SPOCK3: variants seen among roughly 807,000 people sequenced by gnomAD.
SPOCK3 encodes SPARC (osteonectin), cwcv and kazal like domains proteoglycan 3.
A neutral mutation model predicts 56.6 loss-of-function variants in SPOCK3; 30 were observed. The observed-to-expected ratio is 0.53, with a 90% confidence interval of 0.40 to 0.72. SPOCK3 has a LOEUF of 0.72. Among genes scored for constraint, SPOCK3 ranks in the 30% least tolerant of loss-of-function variants. SPOCK3 has a pLI of 0.00. For synonymous variants in SPOCK3, 196 were observed against 183.3 expected (o/e 1.07, Z -0.56); for missense variants, 527 against 530.0 (o/e 0.99, Z 0.06).
At chr4:166,813,951 CA>C (rs1184792480) in intron 6 of SPOCK3, among the ~76,000 whole-genome samples, 1 of 151,894 alleles carries the variant, frequency 6.6e-6, no homozygotes, top group Non-Finnish European at 1.5e-5. Flanking sequence ...AAAATTGAAG[CA>C]CAAAAAAACA....
chr4:166,812,369 G>A (rs1743926947), intron 6 of SPOCK3, among the ~76,000 whole-genome samples: 1 of 151,832 alleles, frequency 6.6e-6, no homozygotes, highest in African/African-American at 2.4e-5. Context: ...TATATGAAAA[G>A]TAAAGTTAAC....
chr4:166,803,500 A>T (rs905058717), intron 6 of SPOCK3, among the ~76,000 whole-genome samples: 1 of 152,168 alleles, frequency 6.6e-6, no homozygotes, highest in South Asian at 2.1e-4. Flanking sequence ...GCAACTAGGG[A>T]CAAGACCAAG....
At chr4:166,776,695 TAAGTTAAGGAA>T (rs1332292752) in intron 7 of SPOCK3, among the ~76,000 whole-genome samples, 1 of 152,104 alleles carries the variant, frequency 6.6e-6, no homozygotes, top group East Asian at 1.9e-4. Context: ...ACTCAAGGAC[TAAGTTAAGGAA>T]AAAGACCAAT....
intron 2 of SPOCK3, among the ~76,000 whole-genome samples, chr4:167,081,818 G>T (rs1034376623): frequency 2.0e-5 from 3 of 152,034 alleles, no homozygotes; most frequent in Admixed American, 6.6e-5. Context: ...AATGGATAAG[G>T]TAATAGGAGT....
intron 4 of SPOCK3, among the ~76,000 whole-genome samples, chr4:166,995,602 C>A (rs1166716137): frequency 6.6e-6 from 1 of 151,778 alleles, no homozygotes; most frequent in Non-Finnish European, 1.5e-5. Context: ...TCTAACTATA[C>A]CTATCAATTA....
intron 4 of SPOCK3, among the ~76,000 whole-genome samples, chr4:166,922,685 G>T (rs1322228717): frequency 6.6e-6 from 1 of 152,094 alleles, no homozygotes; most frequent in African/African-American, 2.4e-5. Flanking sequence ...TTAGAGCAAA[G>T]GCCACTTTCT....
chr4:166,847,647 T>TTATATATATATA (rs147015731), intron 6 of SPOCK3, among the ~76,000 whole-genome samples: 762 of 55,160 alleles, frequency 0.014, 36 homozygotes, highest in South Asian at 0.017. Context: ...AAATCCTAGT[T>TTATATATATATA]TATATATATA....
At chr4:167,131,606 C>CA (rs978446442) in intron 2 of SPOCK3, among the ~76,000 whole-genome samples, 9 of 151,420 alleles carry the variant, frequency 5.9e-5, no homozygotes, top group Non-Finnish European at 1.0e-4. Context: ...CCGTCCCCCA[C>CA]AAAAAAAACC....
At chr4:166,845,955 G>T (rs550057093) in intron 6 of SPOCK3, among the ~76,000 whole-genome samples, 1 of 152,232 alleles carries the variant, frequency 6.6e-6, no homozygotes, top group Non-Finnish European at 1.5e-5. Flanking sequence ...GCTAGGCTAC[G>T]AACTTGCACA....
intron 2 of SPOCK3, among the ~76,000 whole-genome samples, chr4:167,104,417 TG>T: frequency 6.6e-6 from 1 of 152,170 alleles, no homozygotes; most frequent in African/African-American, 2.4e-5. Context: ...GCAGAAACTC[TG>T]GAGTTGAAAA....
chr4:167,162,885 T>TA (rs1307105127), intron 2 of SPOCK3, among the ~76,000 whole-genome samples: 3 of 151,958 alleles, frequency 2.0e-5, no homozygotes, highest in Non-Finnish European at 4.4e-5. Context: ...AGTGGAAAAA[T>TA]TAAACTTTGG....
chr4:166,748,360 A>AAT (rs1464960540), intron 8 of SPOCK3, among the ~76,000 whole-genome samples: 1 of 137,200 alleles, frequency 7.3e-6, no homozygotes, highest in Non-Finnish European at 1.5e-5. Context: ...ATCTTTGACA[A>AAT]ACCTGACAAA....
intron 2 of SPOCK3, among the ~76,000 whole-genome samples, chr4:167,120,328 T>C (rs1047787645): frequency 6.6e-6 from 1 of 152,054 alleles, no homozygotes; most frequent in Non-Finnish European, 1.5e-5. Flanking sequence ...AATGGACTAA[T>C]ATATATAAAT....
At chr4:166,772,178 C>T (rs1739017824) in intron 7 of SPOCK3, among the ~76,000 whole-genome samples, 1 of 151,934 alleles carries the variant, frequency 6.6e-6, no homozygotes, top group Admixed American at 6.6e-5. Flanking sequence ...ATTATTGATC[C>T]TTACTTTTTT....
intron 2 of SPOCK3, among the ~76,000 whole-genome samples, chr4:167,140,227 A>T (rs1763424929): frequency 6.6e-6 from 1 of 152,090 alleles, no homozygotes; most frequent in Non-Finnish European, 1.5e-5. Context: ...AGCACACTGG[A>T]TAATAGTGAA....
intron 7 of SPOCK3, among the ~76,000 whole-genome samples, chr4:166,786,460 T>C (rs1454129207): frequency 6.6e-6 from 1 of 152,132 alleles, no homozygotes; most frequent in Admixed American, 6.6e-5. Context: ...GCAGTTAGGA[T>C]ATAAATACTA....
chr4:167,142,577 C>A (rs1011340886), intron 2 of SPOCK3, among the ~76,000 whole-genome samples: 1 of 151,862 alleles, frequency 6.6e-6, no homozygotes, highest in African/African-American at 2.4e-5. Context: ...ATGCTTTGAA[C>A]AAACAAACGG....
chr4:167,099,200 G>A (rs897971202), intron 2 of SPOCK3, among the ~76,000 whole-genome samples: 15 of 151,166 alleles, frequency 9.9e-5, no homozygotes, highest in Non-Finnish European at 1.9e-4. Flanking sequence ...TGTGAATCTC[G>A]GTTAATGTAT....
At chr4:166,894,647 T>C (rs1163217532) in intron 5 of SPOCK3, among the ~76,000 whole-genome samples, 1 of 152,138 alleles carries the variant, frequency 6.6e-6, no homozygotes, top group East Asian at 1.9e-4. Flanking sequence ...GCAATCCTTG[T>C]CATGTAGTCA....
Sources: allele counts gnomAD v4.1 joint callset (sites outside exome capture counted in the v4.1 genomes callset), GRCh38; gene constraint gnomAD v4.1.1; transcripts MANE v1.5; gene names NCBI Gene and HGNC (gene_info 2026-07-23, HGNC 2026-07-21).